CCDC85C: variants seen among roughly 807,000 people sequenced by gnomAD.
CCDC85C encodes coiled-coil domain containing 85C, also known as coiled-coil domain-containing protein 85C.
CCDC85C carries 18 observed loss-of-function variants against 38.3 expected under a neutral mutation model. That is an observed-to-expected ratio of 0.47 (90% CI 0.33 to 0.70). CCDC85C has a LOEUF of 0.70. Ranked by LOEUF, CCDC85C falls within the 30% of genes least tolerant of loss-of-function variation. CCDC85C has a pLI of 0.03. For missense variants in CCDC85C, 566 were observed against 621.2 expected, an observed-to-expected ratio of 0.91 and a Z score of 0.94; for synonymous variants, 264 against 293.8, an observed-to-expected ratio of 0.90 and a Z score of 1.04.
rs567205317 is a variant in CCDC85C at position 99,572,673 on chromosome 14, G to A, written c.793+30494C>T. On this transcript the variant is annotated intron_variant, in intron 1 of 5. Coordinates refer to ENST00000380243, the MANE Select transcript of CCDC85C (RefSeq NM_001144995.2). This position sits in a 1 kb window ranked among gnomAD's most constrained non-coding sequence, Gnocchi z 4.4. Reference sequence around the variant, plus strand: ...CCCAGGTGACCTGGCCCCTCCTTAAGAGGCCTCCCCTGCCACCATCTGTTT... The same window carrying A: ...CCCAGGTGACCTGGCCCCTCCTTAAAAGGCCTCCCCTGCCACCATCTGTTT... 4.4e-6 allele frequency: 2 copies of A among 455,934 alleles called. No individual in the cohort carries two copies. The highest frequency in any genetic ancestry group is 6.9e-5 in the East Asian group (1 of 14,390). The allele number at this position is 455,934 out of a possible 1,614,324, so 28.2% of individuals were successfully genotyped here.
rs182335354 is a variant in CCDC85C, at chr14:99,538,803, T to A, written c.794-2715A>T. Among the ~76,000 whole-genome samples the A allele has an allele frequency of 3.9e-3, 591 of 152,212 alleles. 2 individuals carry two copies. Among genetic ancestry groups the A allele is most frequent in the African/African-American group, 0.014 (569 of 41,548 alleles). On this transcript the variant is annotated intron_variant, in intron 1 of 5. Coordinates refer to ENST00000380243, the MANE Select transcript of CCDC85C (RefSeq NM_001144995.2). ...TTTCACACCCACTTCCCAGTAAGGG[T>A]TAAAGACAGTGATCAGGCTGGCAGG...
rs1166786014 is a variant in CCDC85C at position 99,511,378 on chromosome 14, G to A, written c.*3868C>T. On this transcript the variant is annotated 3_prime_UTR_variant, in exon 6 of 6. Coordinates refer to ENST00000380243, the MANE Select transcript of CCDC85C (RefSeq NM_001144995.2). ...GAAATGTACTTGGAAATTAATGTAT[G>A]TTTACATCTCTTTGCAAATTCCTGT... is the stretch of plus-strand genomic sequence containing the variant. 1.3e-5 allele frequency: 2 copies of A among 152,110 alleles called. No individual in the cohort carries two copies. Among genetic ancestry groups the A allele is most frequent in the Non-Finnish European group, 2.9e-5 (2 of 67,982 alleles). 9.4% of individuals were successfully genotyped at this position (152,110 alleles called of 1,614,324 possible).
intron 2 of CCDC85C, among the ~76,000 whole-genome samples, chr14:99,529,787 T>C (rs568443014): frequency 4.9e-4 from 74 of 152,320 alleles, no homozygotes; most frequent in Non-Finnish European, 9.3e-4. Context: ...CTCTGTTTGT[T>C]TGCACATAAA....
chr14:99,572,889 C>T lies in CCDC85C; in HGVS notation c.793+30278G>A, dbSNP rs1288386911. ...AAGGAAGGAATGTCTGCCCAAGTCC[C>T]AGGCAGGGTGGGAGGCACGGACCTG... On this transcript the variant is annotated intron_variant, in intron 1 of 5. Coordinates refer to ENST00000380243, the MANE Select transcript of CCDC85C (RefSeq NM_001144995.2). The surrounding 1 kb of genome is among the most constrained non-coding windows in gnomAD (Gnocchi z 4.4). The T allele has an allele frequency of 2.2e-6, 1 of 451,688 alleles. No homozygotes were observed. Among genetic ancestry groups the T allele is most frequent in the Non-Finnish European group, 4.5e-6 (1 of 223,982 alleles). 28.0% of individuals were successfully genotyped at this position (451,688 alleles called of 1,614,324 possible).
At chr14:99,571,910 C>T (rs760111696) in intron 1 of CCDC85C, among the ~76,000 whole-genome samples, 6 of 152,204 alleles carry the variant, frequency 3.9e-5, no homozygotes, top group Non-Finnish European at 5.9e-5. Flanking sequence ...CCTGGGACAT[C>T]ACACCTATCC....
At position 99,522,121 on chromosome 14, in the gene CCDC85C, G is replaced by A; in HGVS notation, c.975+12C>T. ...TCCAGAACATGTGGGCTTTTTTGGGGTGCACACTCACGTTCTGCAGGGAGT... is the reference window on the plus strand; with the variant it reads ...TCCAGAACATGTGGGCTTTTTTGGGATGCACACTCACGTTCTGCAGGGAGT... On this transcript the variant is annotated intron_variant, in intron 3 of 5. Coordinates refer to ENST00000380243, the MANE Select transcript of CCDC85C (RefSeq NM_001144995.2). 5 of 1,542,478 alleles carry A rather than the reference G, an allele frequency of 3.2e-6. No homozygotes were observed. Among genetic ancestry groups the A allele is most frequent in the East Asian group, 2.4e-5 (1 of 40,876 alleles).
intron 1 of CCDC85C, among the ~76,000 whole-genome samples, chr14:99,581,875 C>A (rs996281020): frequency 4.6e-5 from 7 of 152,204 alleles, no homozygotes; most frequent in Non-Finnish European, 8.8e-5. Flanking sequence ...CTAAAACCTG[C>A]GTCTTCCCAT....
intron 1 of CCDC85C, among the ~76,000 whole-genome samples, chr14:99,577,414 G>A (rs1898503569): frequency 6.9e-6 from 1 of 145,884 alleles, no homozygotes; most frequent in South Asian, 2.2e-4. Flanking sequence ...GACAGGGTGG[G>A]TGGGACAGAC....
chr14:99,543,435 G>A (rs1897750453), intron 1 of CCDC85C, among the ~76,000 whole-genome samples: 1 of 152,180 alleles, frequency 6.6e-6, no homozygotes, highest in Admixed American at 6.5e-5. Context: ...TAATGAAGGA[G>A]CTGCAAGAAT....
rs1897044169 is a variant in CCDC85C, at chr14:99,508,972, C to G, written c.*6274G>C. 1 of 152,238 alleles carries G rather than the reference C, an allele frequency of 6.6e-6. No homozygotes were observed. 9.4% of individuals were successfully genotyped at this position (152,238 alleles called of 1,614,324 possible). A position where few individuals can be genotyped will look rare whatever the true frequency, so the allele number is the denominator to read the frequency against. On this transcript the variant is annotated 3_prime_UTR_variant, in exon 6 of 6. Coordinates refer to ENST00000380243, the MANE Select transcript of CCDC85C (RefSeq NM_001144995.2). ...CTGACCTGGAGCCAAAGCCAGTTATCTAAGGCCAGGCACATATGACCTTCC... is the reference window on the plus strand; with the variant it reads ...CTGACCTGGAGCCAAAGCCAGTTATGTAAGGCCAGGCACATATGACCTTCC...
At position 99,514,476 on chromosome 14, in the gene CCDC85C, G is replaced by GT. The variant is rs1398670064; in HGVS notation, c.*769dup. The GT allele has an allele frequency of 1.3e-5, 2 of 152,272 alleles. No homozygotes were observed. Among genetic ancestry groups the GT allele is most frequent in the African/African-American group, 4.8e-5 (2 of 41,414 alleles). The allele number at this position is 152,272 out of a possible 1,614,324, so 9.4% of individuals were successfully genotyped here. ...GCCCTTCCTGTTACTGGCCTGTCAT[G>GT]TAAACCACGAAAAGGGACGTGCCTC... On this transcript the variant is annotated 3_prime_UTR_variant, in exon 6 of 6. Coordinates refer to ENST00000380243, the MANE Select transcript of CCDC85C (RefSeq NM_001144995.2).
At chr14:99,592,595 G>A (rs1046010230) in intron 1 of CCDC85C, among the ~76,000 whole-genome samples, 1 of 152,248 alleles carries the variant, frequency 6.6e-6, no homozygotes, top group Admixed American at 6.5e-5. Flanking sequence ...GAGATGAGAA[G>A]AGGCTGCTGG....
At chr14:99,587,250 C>T (rs1030797253) in intron 1 of CCDC85C, among the ~76,000 whole-genome samples, 11 of 152,216 alleles carry the variant, frequency 7.2e-5, no homozygotes, top group Non-Finnish European at 1.5e-4. Context: ...ATCCCGGGTT[C>T]AGAGCAAGGA....
rs1236514898 is a variant in CCDC85C, at chr14:99,558,729, A to G, written c.794-22641T>C. On this transcript the variant is annotated intron_variant, in intron 1 of 5. Transcript: ENST00000380243. The surrounding 1 kb of genome is among the most constrained non-coding windows in gnomAD (Gnocchi z 4.2). ...AGGCCGGATGGAAAGAAAGGCAGACATGGGAGAGATGAGGCCACAAGCCAA... is the reference window on the plus strand; with the variant it reads ...AGGCCGGATGGAAAGAAAGGCAGACGTGGGAGAGATGAGGCCACAAGCCAA... Among the ~76,000 whole-genome samples, 1 of 152,246 alleles carries G rather than the reference A, an allele frequency of 6.6e-6. No individual in the cohort carries two copies. The highest frequency in any genetic ancestry group is 2.4e-5 in the African/African-American group (1 of 41,470).
intron 1 of CCDC85C, among the ~76,000 whole-genome samples, chr14:99,555,315 G>A (rs1301467945): frequency 9.2e-5 from 14 of 151,854 alleles, no homozygotes. Flanking sequence ...GTCCCCACCT[G>A]TCCTACCAGC....
intron 1 of CCDC85C, among the ~76,000 whole-genome samples, chr14:99,539,045 G>T (rs1897661023): frequency 6.6e-6 from 1 of 152,254 alleles, no homozygotes; most frequent in Admixed American, 6.5e-5. Flanking sequence ...ACCCCAGGCA[G>T]CTATGCAGAA....
chr14:99,524,209 C>A (rs573339815), intron 2 of CCDC85C, among the ~76,000 whole-genome samples: 2 of 152,184 alleles, frequency 1.3e-5, no homozygotes, highest in South Asian at 4.1e-4. Flanking sequence ...ACTCTGAATG[C>A]GTGCGTGCAC....
At position 99,507,287 on chromosome 14, in the gene CCDC85C, T is replaced by C; in HGVS notation, c.*7959A>G. The C allele has an allele frequency of 1.4e-6, 1 of 710,798 alleles. No homozygotes were observed. Among genetic ancestry groups the C allele is most frequent in the Non-Finnish European group, 2.6e-6 (1 of 391,300 alleles). 44.0% of individuals were successfully genotyped at this position (710,798 alleles called of 1,614,324 possible). A position where few individuals can be genotyped will look rare whatever the true frequency, so the allele number is the denominator to read the frequency against. On this transcript the variant is annotated 3_prime_UTR_variant, in exon 6 of 6. Coordinates refer to ENST00000380243, the MANE Select transcript of CCDC85C (RefSeq NM_001144995.2). ...CCACAGGCAGGAATCTTTGCAAAAT[T>C]GTTCTTGGGCTGGGCACAATGGCTT...
At chr14:99,570,735 C>G (rs966755507) in intron 1 of CCDC85C, among the ~76,000 whole-genome samples, 1 of 152,192 alleles carries the variant, frequency 6.6e-6, no homozygotes, top group Non-Finnish European at 1.5e-5. Context: ...CTGAGCAGAA[C>G]AGAAAGTGTG....
Sources: gnomAD v4.1 joint callset for allele counts (sites outside exome capture counted in the v4.1 genomes callset) on GRCh38, gnomAD v4.1.1 for gene constraint, Gnocchi (gnomAD v3.1) non-coding constraint, MANE v1.5 for transcripts, NCBI Gene and HGNC (gene_info 2026-07-23, HGNC 2026-07-21) for gene names.